Variants in HEMK2 observed in about 807,000 individuals in gnomAD.
The protein encoded by HEMK2 is HemK methyltransferase 2, ETF1 glutamine and histone H4 lysine.
chr21:28,737,535 A>G, the HEMK2 span, among the ~76,000 whole-genome samples: 1 of 152,124 alleles, frequency 6.6e-6, no homozygotes, highest in East Asian at 1.9e-4. Flanking sequence ...AAGTGTTGAA[A>G]TCATGGCCTA....
chr21:28,774,524 G>A, the HEMK2 span, among the ~76,000 whole-genome samples: 1 of 152,030 alleles, frequency 6.6e-6, no homozygotes, highest in Admixed American at 6.6e-5. Context: ...GGAGTTCGAG[G>A]TTACAATGTG....
chr21:28,649,517 G>C, the HEMK2 span, among the ~76,000 whole-genome samples: 105 of 152,328 alleles, frequency 6.9e-4, no homozygotes, highest in African/African-American at 2.5e-3. Flanking sequence ...CCCACAAGTA[G>C]AGTATATTCT....
the HEMK2 span, among the ~76,000 whole-genome samples, chr21:28,775,400 T>C: frequency 3.9e-5 from 6 of 152,238 alleles, no homozygotes; most frequent in South Asian, 2.1e-4. Flanking sequence ...AGAAAAGAAA[T>C]GGATATACAG....
chr21:28,841,293 TTATATATTATATATAATATATAA>T, the HEMK2 span, among the ~76,000 whole-genome samples: 2 of 6,788 alleles, frequency 2.9e-4, no homozygotes, highest in Non-Finnish European at 4.2e-4. Context: ...ATAATATATA[TTATATATTATATATAATATATAA>T]TATATATTAT....
At chr21:28,642,927 C>T in the HEMK2 span, among the ~76,000 whole-genome samples, 1 of 152,154 alleles carries the variant, frequency 6.6e-6, no homozygotes, top group Non-Finnish European at 1.5e-5. Context: ...AAAAAGGCAA[C>T]ATTTGGGTGG....
At chr21:28,752,609 T>C in the HEMK2 span, among the ~76,000 whole-genome samples, 1 of 152,084 alleles carries the variant, frequency 6.6e-6, no homozygotes, top group South Asian at 2.1e-4. Context: ...GGATACTGAG[T>C]GTCCACACAC....
chr21:28,653,396 T>C, the HEMK2 span, among the ~76,000 whole-genome samples: 3 of 152,148 alleles, frequency 2.0e-5, no homozygotes, highest in South Asian at 2.1e-4. Flanking sequence ...CTCTCCTTCA[T>C]GCACTAGACT....
chr21:28,885,068 C>T, the HEMK2 span: 11 of 1,236,260 alleles, frequency 8.9e-6, no homozygotes, highest in African/African-American at 1.5e-5. Flanking sequence ...TTCTCAATTA[C>T]GGCGTCCTGG....
the HEMK2 span, among the ~76,000 whole-genome samples, chr21:28,733,939 T>C: frequency 9.4e-5 from 14 of 149,444 alleles, no homozygotes; most frequent in South Asian, 2.1e-4. Context: ...CTTCCAGCAA[T>C]CTCCATCCAC....
At chr21:28,773,049 C>T in the HEMK2 span, among the ~76,000 whole-genome samples, 1 of 152,164 alleles carries the variant, frequency 6.6e-6, no homozygotes, top group Admixed American at 6.5e-5. Context: ...GCGGTTTGCT[C>T]ATTTTAATAA....
chr21:28,815,518 A>G, the HEMK2 span, among the ~76,000 whole-genome samples: 1 of 152,104 alleles, frequency 6.6e-6, no homozygotes, highest in Non-Finnish European at 1.5e-5. Context: ...TATCAGCTCC[A>G]TGGCCCCCAA....
the HEMK2 span, among the ~76,000 whole-genome samples, chr21:28,743,532 A>C: frequency 2.6e-5 from 4 of 151,804 alleles, no homozygotes; most frequent in South Asian, 2.1e-4. Context: ...GTAAGTAACA[A>C]GTCATTGGGA....
the HEMK2 span, among the ~76,000 whole-genome samples, chr21:28,833,755 C>A: frequency 1.3e-5 from 2 of 152,180 alleles, no homozygotes; most frequent in African/African-American, 4.8e-5. Flanking sequence ...TGGACTGAAT[C>A]CTGCCTCTAT....
At chr21:28,780,234 T>C in the HEMK2 span, among the ~76,000 whole-genome samples, 4 of 152,064 alleles carry the variant, frequency 2.6e-5, no homozygotes, top group Non-Finnish European at 4.4e-5. Context: ...CTGGAGTGCA[T>C]TGGCACAATC....
chr21:28,721,940 AC>A, the HEMK2 span, among the ~76,000 whole-genome samples: 8 of 103,456 alleles, frequency 7.7e-5, no homozygotes, highest in African/African-American at 3.1e-4. Flanking sequence ...ACACACACAT[AC>A]ACCTATTTGA....
At chr21:28,810,643 G>A in the HEMK2 span, among the ~76,000 whole-genome samples, 1 of 152,162 alleles carries the variant, frequency 6.6e-6, no homozygotes. Context: ...TGTAGGGTGG[G>A]ACTTAGACGG....
the HEMK2 span, among the ~76,000 whole-genome samples, chr21:28,734,659 G>A: frequency 6.6e-6 from 1 of 152,250 alleles, no homozygotes; most frequent in East Asian, 1.9e-4. Context: ...GCTCTGTGAC[G>A]GTGTGCTGCC....
the HEMK2 span, among the ~76,000 whole-genome samples, chr21:28,656,338 G>A: frequency 6.6e-6 from 1 of 152,008 alleles, no homozygotes; most frequent in Non-Finnish European, 1.5e-5. Context: ...CTTGTGGAGA[G>A]GTCTAAAAAC....
chr21:28,658,366 A>C, the HEMK2 span, among the ~76,000 whole-genome samples: 1 of 152,062 alleles, frequency 6.6e-6, no homozygotes, highest in Admixed American at 6.6e-5. Context: ...GAGGGCCCTA[A>C]GAAAATGCAT....
Sources: allele counts gnomAD v4.1 joint callset (sites outside exome capture counted in the v4.1 genomes callset), GRCh38; gene constraint gnomAD v4.1.1; transcripts MANE v1.5; gene names NCBI Gene and HGNC (gene_info 2026-07-23, HGNC 2026-07-21).